The following SGCZ variants were observed in gnomAD, a reference collection of about 807,000 sequenced individuals.
The protein encoded by SGCZ is zeta-sarcoglycan.
A neutral mutation model predicts 41.3 loss-of-function variants in SGCZ; 40 were observed. The ratio of observed to expected loss-of-function variants is 0.97; its 90% CI spans 0.75 to 1.26. The LOEUF (loss-of-function observed/expected upper bound fraction) is 1.26, where lower values mean the gene tolerates loss of function less well. Ranked by LOEUF, SGCZ falls within the 50% of genes most tolerant of loss-of-function variation. The pLI is 0.00. For synonymous variants in SGCZ, 206 were observed against 137.5 expected (o/e 1.50, Z -3.49); for missense variants, 552 against 369.8 (o/e 1.49, Z -4.04).
At chr8:14,392,039 T>C (rs2117219871) in intron 2 of SGCZ, among the ~76,000 whole-genome samples, 1 of 152,258 alleles carries the variant, frequency 6.6e-6, no homozygotes, top group South Asian at 2.1e-4. Flanking sequence ...GATTTGAGTA[T>C]GGACACAGAT....
At chr8:14,789,083 G>A (rs1246938618) in intron 1 of SGCZ, among the ~76,000 whole-genome samples, 1 of 152,052 alleles carries the variant, frequency 6.6e-6, no homozygotes, top group Admixed American at 6.6e-5. Flanking sequence ...CCTCATTTCT[G>A]AACACAGCTT....
intron 1 of SGCZ, among the ~76,000 whole-genome samples, chr8:14,787,934 T>C (rs1800822379): frequency 6.6e-6 from 1 of 152,194 alleles, no homozygotes; most frequent in Non-Finnish European, 1.5e-5. Context: ...TTGAGGCCTG[T>C]TCAGGCAATC....
At chr8:15,058,592 G>C (rs550756821) in intron 1 of SGCZ, among the ~76,000 whole-genome samples, 1 of 152,274 alleles carries the variant, frequency 6.6e-6, no homozygotes, top group South Asian at 2.1e-4. Context: ...GTGCTTAATA[G>C]ACAAATTTAT....
chr8:14,186,533 A>G (rs575304506), intron 4 of SGCZ, among the ~76,000 whole-genome samples: 21 of 152,296 alleles, frequency 1.4e-4, no homozygotes, highest in African/African-American at 4.8e-4. Context: ...AGGCTAGACA[A>G]GAAGACTAAA....
chr8:14,116,829 C>A (rs910936870), intron 5 of SGCZ, among the ~76,000 whole-genome samples: 1 of 152,028 alleles, frequency 6.6e-6, no homozygotes, highest in Non-Finnish European at 1.5e-5. Flanking sequence ...TTCTCCAGAA[C>A]CAATGTCTGG....
At chr8:14,445,080 G>T (rs966009508) in intron 2 of SGCZ, among the ~76,000 whole-genome samples, 5 of 152,196 alleles carry the variant, frequency 3.3e-5, no homozygotes, top group South Asian at 2.1e-4. Context: ...CAAGACAGTT[G>T]CTCAGTGGTG....
At chr8:14,565,464 C>G (rs1804330334) in intron 1 of SGCZ, among the ~76,000 whole-genome samples, 1 of 151,974 alleles carries the variant, frequency 6.6e-6, no homozygotes, top group African/African-American at 2.4e-5. Context: ...CTTTTTCCTG[C>G]TCAGAGGTTA....
At chr8:14,194,256 G>A (rs28693799) in intron 4 of SGCZ, among the ~76,000 whole-genome samples, 11,441 of 151,792 alleles carry the variant, frequency 0.075, 601 homozygotes, top group African/African-American at 0.14. Context: ...GCTGAACTCT[G>A]GATTGATCAA....
chr8:14,895,406 T>A (rs972950641), intron 1 of SGCZ, among the ~76,000 whole-genome samples: 3 of 152,148 alleles, frequency 2.0e-5, no homozygotes, highest in African/African-American at 7.2e-5. Flanking sequence ...CACATCTGTG[T>A]GTGTTTTTTT....
At chr8:14,222,693 A>G (rs1489745487) in intron 4 of SGCZ, among the ~76,000 whole-genome samples, 2 of 151,202 alleles carry the variant, frequency 1.3e-5, no homozygotes, top group African/African-American at 4.9e-5. Flanking sequence ...GTTTTATTGT[A>G]TAAAGATGAA....
At chr8:14,650,352 A>T (rs1233522237) in intron 1 of SGCZ, among the ~76,000 whole-genome samples, 2 of 152,132 alleles carry the variant, frequency 1.3e-5, no homozygotes, top group South Asian at 2.1e-4. Flanking sequence ...GATGTTTTTT[A>T]AAAAACTTGT....
At chr8:14,791,143 C>G (rs1252695938) in intron 1 of SGCZ, among the ~76,000 whole-genome samples, 1 of 151,614 alleles carries the variant, frequency 6.6e-6, no homozygotes, top group African/African-American at 2.4e-5. Flanking sequence ...TTTTAATATT[C>G]TATACTTCCT....
chr8:14,304,192 C>G (rs1801280158), intron 3 of SGCZ, among the ~76,000 whole-genome samples: 1 of 151,996 alleles, frequency 6.6e-6, no homozygotes, highest in Non-Finnish European at 1.5e-5. Flanking sequence ...CTTGTAATTC[C>G]AGCACTCTAG....
chr8:14,168,466 T>C (rs1305363386), intron 4 of SGCZ, among the ~76,000 whole-genome samples: 1 of 152,128 alleles, frequency 6.6e-6, no homozygotes, highest in Non-Finnish European at 1.5e-5. Context: ...AGGTCTTTCC[T>C]GTGCTGTTCT....
intron 1 of SGCZ, among the ~76,000 whole-genome samples, chr8:14,994,560 G>C (rs1314352039): frequency 2.0e-5 from 3 of 151,072 alleles, no homozygotes; most frequent in African/African-American, 7.3e-5. Context: ...CTCCAGCCTA[G>C]GCAACAAGAG....
intron 1 of SGCZ, among the ~76,000 whole-genome samples, chr8:14,617,638 T>C (rs1302600172): frequency 2.0e-5 from 3 of 152,136 alleles, no homozygotes; most frequent in Non-Finnish European, 2.9e-5. Context: ...TGTGGAGTGG[T>C]AATCCAGGGA....
At chr8:14,849,352 T>A (rs1197419258) in intron 1 of SGCZ, among the ~76,000 whole-genome samples, 1 of 152,208 alleles carries the variant, frequency 6.6e-6, no homozygotes, top group African/African-American at 2.4e-5. Flanking sequence ...AAAAAAATAA[T>A]TGTATCTCAA....
At chr8:15,166,310 A>T (rs2085123) in intron 1 of SGCZ, among the ~76,000 whole-genome samples, 3 of 150,632 alleles carry the variant, frequency 2.0e-5, no homozygotes, top group South Asian at 2.1e-4. Flanking sequence ...TGCAGTGGCA[A>T]GATCTCAGCT....
At chr8:14,121,344 G>A (rs572617364) in intron 5 of SGCZ, among the ~76,000 whole-genome samples, 71 of 151,982 alleles carry the variant, frequency 4.7e-4, no homozygotes, top group South Asian at 3.1e-3. Flanking sequence ...TCCACTTTAG[G>A]CTCATAGCAA....
Sources: allele counts gnomAD v4.1 joint callset (sites outside exome capture counted in the v4.1 genomes callset), GRCh38; gene constraint gnomAD v4.1.1; transcripts MANE v1.5; gene names NCBI Gene and HGNC (gene_info 2026-07-23, HGNC 2026-07-21).